Variants in PGR observed in about 807,000 individuals in gnomAD.
The protein encoded by PGR is progesterone receptor.
PGR carries 25 observed loss-of-function variants against 76.1 expected under a neutral mutation model. The observed-to-expected ratio is 0.33, with a 90% CI of 0.24 to 0.46. PGR has a LOEUF of 0.46. Among genes scored for constraint, PGR ranks in the 20% least tolerant of loss-of-function variants. The probability of loss-of-function intolerance (pLI) is 1.00; values close to 1 mark genes in which losing one functional copy is unlikely to be tolerated. For missense variants in PGR, 1,172 were observed against 1,225.3 expected (o/e 0.96, Z 0.65); for synonymous variants, 579 against 535.0 (o/e 1.08, Z -1.14).
chr11:101,051,084 A>G (rs1008811880), intron 5 of PGR: 6 of 201,180 alleles, frequency 3.0e-5, no homozygotes, highest in African/African-American at 1.2e-4. Flanking sequence ...GTATGAAGAA[A>G]GATGTTTTTA....
chr11:101,091,351 T>C (rs1861668256), intron 3 of PGR, among the ~76,000 whole-genome samples: 1 of 152,216 alleles, frequency 6.6e-6, no homozygotes. Context: ...CTGACCAATT[T>C]GCAGAGTCAA....
intron 2 of PGR, among the ~76,000 whole-genome samples, chr11:101,118,791 G>A: frequency 6.6e-6 from 1 of 152,116 alleles, no homozygotes; most frequent in East Asian, 1.9e-4. Flanking sequence ...AATTATATGA[G>A]GGCCATCTAG....
At chr11:101,059,842 C>CAAAAAAAAAA (rs781123527) in intron 4 of PGR, among the ~76,000 whole-genome samples, 41 of 62,624 alleles carry the variant, frequency 6.5e-4, no homozygotes, top group African/African-American at 1.3e-3. Flanking sequence ...GACCCTCTCT[C>CAAAAAAAAAA]AAAAAAAAAA....
chr11:101,072,061 T>G (rs658286), intron 3 of PGR, among the ~76,000 whole-genome samples: 59,163 of 140,660 alleles, frequency 0.42, 13,224 homozygotes, highest in Non-Finnish European at 0.52. Context: ...GGAAAAAACG[T>G]TAAGGGCAGC....
intron 3 of PGR, among the ~76,000 whole-genome samples, chr11:101,074,836 A>G (rs1235196498): frequency 6.6e-6 from 1 of 152,164 alleles, no homozygotes; most frequent in East Asian, 1.9e-4. Context: ...GAGGACACAA[A>G]TGGAAAAACA....
At chr11:101,065,746 C>A (rs1286803642) in intron 3 of PGR, among the ~76,000 whole-genome samples, 1 of 151,768 alleles carries the variant, frequency 6.6e-6, no homozygotes, top group African/African-American at 2.4e-5. Context: ...GCTTTGTTGG[C>A]TGGAAGGAGG....
chr11:101,050,593 A>G (rs759528118), intron 5 of PGR, among the ~76,000 whole-genome samples: 4 of 152,148 alleles, frequency 2.6e-5, no homozygotes, highest in Non-Finnish European at 4.4e-5. Flanking sequence ...GACAAAGTTA[A>G]ACACAAGTGC....
intron 3 of PGR, among the ~76,000 whole-genome samples, chr11:101,073,573 AG>A (rs1861019815): frequency 1.3e-5 from 2 of 152,080 alleles, no homozygotes; most frequent in African/African-American, 4.8e-5. Context: ...TTAACAAAGT[AG>A]ATAGACCACT....
chr11:101,109,256 T>G (rs1201316738), intron 2 of PGR, among the ~76,000 whole-genome samples: 1 of 152,112 alleles, frequency 6.6e-6, no homozygotes, highest in Non-Finnish European at 1.5e-5. Flanking sequence ...TCACCTTAAA[T>G]TAAAAGCTAG....
intron 6 of PGR, among the ~76,000 whole-genome samples, chr11:101,049,644 C>CT (rs1476864001): frequency 6.6e-6 from 1 of 151,956 alleles, no homozygotes; most frequent in African/African-American, 2.4e-5. Flanking sequence ...TGGCACATGA[C>CT]TGTAGTTTAT....
intron 3 of PGR, chr11:101,063,135 T>C (rs1860577103): frequency 6.0e-6 from 1 of 165,422 alleles, no homozygotes; most frequent in African/African-American, 2.4e-5. Context: ...AGAACAGCCT[T>C]CCAAAATCTA....
chr11:101,054,660 G>C (rs1283431418), intron 4 of PGR, among the ~76,000 whole-genome samples: 1 of 152,156 alleles, frequency 6.6e-6, no homozygotes, highest in East Asian at 1.9e-4. Context: ...GAAGACCCAA[G>C]TTCCAGTCCT....
intron 3 of PGR, among the ~76,000 whole-genome samples, chr11:101,086,285 A>G (rs987745893): frequency 1.1e-4 from 16 of 152,134 alleles, no homozygotes; most frequent in African/African-American, 3.9e-4. Context: ...GGTTAGCTCA[A>G]TATATGCAAA....
At chr11:101,070,906 T>C (rs964021204) in intron 3 of PGR, among the ~76,000 whole-genome samples, 1 of 152,208 alleles carries the variant, frequency 6.6e-6, no homozygotes, top group Non-Finnish European at 1.5e-5. Flanking sequence ...TTCAGCAGAC[T>C]TAAACGTTCC....
chr11:101,046,214 T>C (rs866001260), intron 6 of PGR, among the ~76,000 whole-genome samples: 1 of 150,006 alleles, frequency 6.7e-6, no homozygotes, highest in African/African-American at 2.5e-5. Flanking sequence ...CAGCCTCGAC[T>C]TCCTAGGTTG....
At chr11:101,060,391 C>G (rs1860449255) in intron 4 of PGR, among the ~76,000 whole-genome samples, 1 of 152,154 alleles carries the variant, frequency 6.6e-6, no homozygotes, top group Admixed American at 6.6e-5. Flanking sequence ...TGCATCCACA[C>G]CATGAGCCCA....
chr11:101,050,233 A>C (rs913483890), intron 5 of PGR, among the ~76,000 whole-genome samples, 174 bp from the exon 6 acceptor site: 2 of 152,148 alleles, frequency 1.3e-5, no homozygotes, highest in Non-Finnish European at 1.5e-5. Flanking sequence ...ACATCTTCTA[A>C]ACTTTTCACA....
chr11:101,041,969 T>C lies in PGR; in HGVS notation c.2622A>G (p.Thr874=). 1 of 1,613,524 alleles carries C rather than the reference T, an allele frequency of 6.2e-7. No homozygotes were observed. The highest frequency in any genetic ancestry group is 8.5e-7 in the Non-Finnish European group (1 of 1,179,628). The change falls in exon 7 of 8, where the codon ACA becomes ACG. Residue 874 remains threonine, a synonymous_variant. Transcript: ENST00000325455. ...VSSSQRFYQL[T]KLLDNLHDLV... ...CATCATGCAAGTTATCAAGAAGTTTTGTAAGTTGATAGAAACGCTGTGAGC... is the reference window on the plus strand; with the variant it reads ...CATCATGCAAGTTATCAAGAAGTTTCGTAAGTTGATAGAAACGCTGTGAGC...
chr11:101,111,371 GC>G (rs1190157534), intron 2 of PGR, among the ~76,000 whole-genome samples: 1 of 152,030 alleles, frequency 6.6e-6, no homozygotes, highest in Non-Finnish European at 1.5e-5. Flanking sequence ...AAGACTGAAG[GC>G]CCCCAGATCT....
Sources: allele counts gnomAD v4.1 joint callset (sites outside exome capture counted in the v4.1 genomes callset), GRCh38; gene constraint gnomAD v4.1.1; transcripts MANE v1.5; gene names NCBI Gene and HGNC (gene_info 2026-07-23, HGNC 2026-07-21).